PTPRC: variants seen among roughly 807,000 people sequenced by gnomAD.
PTPRC encodes receptor-type tyrosine-protein phosphatase C.
Under a neutral mutation model 155.9 loss-of-function variants are expected in PTPRC, and 44 were observed. The ratio of observed to expected loss-of-function variants is 0.28; its 90% CI spans 0.22 to 0.36. The LOEUF is 0.36. PTPRC is among the 10% of genes least tolerant of loss of function. PTPRC has a pLI of 1.00. For missense variants in PTPRC, 1,401 were observed against 1,564.6 expected, an observed-to-expected ratio of 0.90 and a Z score of 1.76; for synonymous variants, 525 against 533.1, an observed-to-expected ratio of 0.98 and a Z score of 0.21.
chr1:198,756,834 CTTAT>C lies in PTPRC; in HGVS notation c.*657_*660del, dbSNP rs927377020. 1 of 151,834 alleles carries C rather than the reference CTTAT, an allele frequency of 6.6e-6. No individual in the cohort carries two copies. Among genetic ancestry groups the C allele is most frequent in the Admixed American group, 6.6e-5 (1 of 15,214 alleles). The allele number at this position is 151,834 out of a possible 1,614,324, so 9.4% of individuals were successfully genotyped here. ...GCATTTAGTCCAATGTCTTTTTAAG[CTTAT>C]TTAATTAAAAAATTTCCAGTGAGCT... On this transcript the variant is annotated 3_prime_UTR_variant, in exon 33 of 33. Coordinates refer to ENST00000442510, the MANE Select transcript of PTPRC (RefSeq NM_002838.5).
intron 17 of PTPRC, among the ~76,000 whole-genome samples, chr1:198,730,389 C>T (rs1038224188): frequency 6.6e-6 from 1 of 152,264 alleles, no homozygotes. Context: ...TGACTATCCT[C>T]TCCTAACTAG....
intron 2 of PTPRC, among the ~76,000 whole-genome samples, chr1:198,687,496 A>G (rs1665693309): frequency 6.6e-6 from 1 of 152,158 alleles, no homozygotes; most frequent in African/African-American, 2.4e-5. Flanking sequence ...TTCTCTAAAT[A>G]GTTAAGTACC....
upstream of PTPRC, chr1:198,638,854 A>C: frequency 5.4e-6 from 1 of 185,366 alleles, no homozygotes; most frequent in Non-Finnish European, 1.2e-5. Flanking sequence ...ACTGTAAAGG[A>C]GCATTATTTG....
chr1:198,706,808 G>A lies in PTPRC; in HGVS notation c.760G>A (p.Val254Ile), dbSNP rs1365709950. The change falls in exon 9 of 33, where the codon GTT becomes ATT. Residue 254 changes from valine (V) to isoleucine (I), a missense_variant. Val to Ile is a conservative substitution (Grantham distance 29). Coordinates refer to ENST00000442510, the MANE Select transcript of PTPRC (RefSeq NM_002838.5). Reference protein sequence around the residue: ...ETKLFTAKLNVNENVECGNNT... With the variant: ...ETKLFTAKLNINENVECGNNT... ...TAAATTATTTACAGCAAAGCTAAAT[G>A]TTAATGAGAATGTGGAATGTGGAAA... 6.2e-7 allele frequency: 1 copy of A among 1,613,170 alleles called. No individual in the cohort carries two copies.
chr1:198,647,627 C>G (rs1663010209), intron 2 of PTPRC, among the ~76,000 whole-genome samples: 1 of 151,622 alleles, frequency 6.6e-6, no homozygotes, highest in Non-Finnish European at 1.5e-5. Context: ...AATTTTTTCC[C>G]AAGTAAACCT....
chr1:198,705,282 TTTAA>T (rs1259734203), intron 8 of PTPRC, among the ~76,000 whole-genome samples: 1 of 152,114 alleles, frequency 6.6e-6, no homozygotes, highest in Non-Finnish European at 1.5e-5. Context: ...CATATGTCTG[TTTAA>T]TTAATATGAT....
At chr1:198,753,320 T>C (rs1246803471) in intron 31 of PTPRC, among the ~76,000 whole-genome samples, 1 of 152,070 alleles carries the variant, frequency 6.6e-6, no homozygotes, top group Admixed American at 6.6e-5. Flanking sequence ...ATAATACTAC[T>C]AGATTTTATT....
intron 2 of PTPRC, among the ~76,000 whole-genome samples, chr1:198,683,551 G>C (rs901716995): frequency 2.0e-5 from 3 of 152,020 alleles, no homozygotes; most frequent in Non-Finnish European, 4.4e-5. Flanking sequence ...TGTTTAAAAA[G>C]AGAATATGGG....
intron 9 of PTPRC, 29 bp downstream of exon 9, chr1:198,706,981 A>C: frequency 6.5e-7 from 1 of 1,535,706 alleles, no homozygotes; most frequent in Non-Finnish European, 9.0e-7. Flanking sequence ...CTTTTAATAA[A>C]TTTATAAAAA....
intron 29 of PTPRC, among the ~76,000 whole-genome samples, chr1:198,750,882 G>A (rs775710233): frequency 1.3e-5 from 2 of 151,944 alleles, no homozygotes; most frequent in Non-Finnish European, 2.9e-5. Context: ...CAATGTCAGC[G>A]TCACAGCAAA....
In PTPRC at chr1:198,706,858, G is replaced by T. The variant is rs1653003230; in HGVS notation, c.810G>T (p.Val270=). 1.2e-6 allele frequency: 2 copies of T among 1,613,312 alleles called. No individual in the cohort carries two copies. The highest frequency in any genetic ancestry group is 1.3e-5 in the African/African-American group (1 of 74,918). ...ACAATACTTGCACAAACAATGAGGTGCATAACCTTACAGAATGTAAAAATG... is the reference window on the plus strand; with the variant it reads ...ACAATACTTGCACAAACAATGAGGTTCATAACCTTACAGAATGTAAAAATG... ...CGNNTCTNNE[V]HNLTECKNAS... is the part of the protein sequence containing the mutation. The change falls in exon 9 of 33, where the codon GTG becomes GTT. Residue 270 remains valine (V), a synonymous_variant. Transcript: ENST00000442510.
intron 2 of PTPRC, among the ~76,000 whole-genome samples, chr1:198,669,994 A>C (rs1461781270): frequency 6.6e-6 from 1 of 152,170 alleles, no homozygotes; most frequent in African/African-American, 2.4e-5. Context: ...TATTGTGAGC[A>C]CCTTAATACG....
At chr1:198,745,974 A>C (rs1334851922) in intron 26 of PTPRC, among the ~76,000 whole-genome samples, 1 of 151,834 alleles carries the variant, frequency 6.6e-6, no homozygotes, top group Non-Finnish European at 1.5e-5. Context: ...TTATGATTTT[A>C]GAGGTGATGT....
At chr1:198,714,379 G>A (rs1288697365) in intron 12 of PTPRC, among the ~76,000 whole-genome samples, 1 of 151,998 alleles carries the variant, frequency 6.6e-6, no homozygotes, top group East Asian at 1.9e-4. Flanking sequence ...CATAATTAGG[G>A]TAAAAAGGAT....
At chr1:198,664,240 A>T (rs1285585642) in intron 2 of PTPRC, among the ~76,000 whole-genome samples, 1 of 152,200 alleles carries the variant, frequency 6.6e-6, no homozygotes, top group Non-Finnish European at 1.5e-5. Context: ...ATCTTCCCAC[A>T]TTTGAGAGGG....
chr1:198,738,326 C>T (rs892430646), intron 23 of PTPRC, among the ~76,000 whole-genome samples: 4 of 151,672 alleles, frequency 2.6e-5, no homozygotes, highest in African/African-American at 4.8e-5. Context: ...TATATTCCTT[C>T]GTTACCCTGT....
rs375051221 is a variant in PTPRC, at chr1:198,696,859, C to T, written c.248C>T (p.Thr83Ile). 26 of 1,614,086 alleles carry T rather than the reference C, an allele frequency of 1.6e-5. No homozygotes were observed. In the East Asian group the frequency reaches 4.5e-4, roughly 28 times the overall value. ...TTSLSPDNTS[T>I]QVSPDSLDNA... is the part of the protein sequence containing the mutation. Reference sequence around the variant, plus strand: ...TCTCTTAGTCCAGACAATACTTCCACCCAAGTATCCCCGGACTCTTTGGAT... The same window carrying T: ...TCTCTTAGTCCAGACAATACTTCCATCCAAGTATCCCCGGACTCTTTGGAT... The change falls in exon 4 of 33, where the codon ACC (threonine) becomes ATC (isoleucine). Residue 83 changes from threonine to isoleucine, a missense_variant. Physicochemically the swap from Thr to Ile is moderately conservative, Grantham distance 89 (BLOSUM62 -1). Transcript: ENST00000442510.
chr1:198,692,302 A>G (rs1161363697), intron 2 of PTPRC, 45 bp from the exon 3 acceptor site: 2 of 1,424,450 alleles, frequency 1.4e-6, no homozygotes, highest in Non-Finnish European at 1.9e-6. Flanking sequence ...ATTAATATGA[A>G]TGAAATTTGA....
chr1:198,662,744 T>C (rs539663250), intron 2 of PTPRC, among the ~76,000 whole-genome samples: 1 of 152,312 alleles, frequency 6.6e-6, no homozygotes, highest in South Asian at 2.1e-4. Flanking sequence ...TAAAATAGTT[T>C]TACAGATACT....
Sources: allele counts gnomAD v4.1 joint callset (sites outside exome capture counted in the v4.1 genomes callset), GRCh38; gene constraint gnomAD v4.1.1; transcripts MANE v1.5; gene names NCBI Gene and HGNC (gene_info 2026-07-23, HGNC 2026-07-21).